The following ACAN variants were observed in gnomAD, a reference collection of about 807,000 sequenced individuals.
ACAN encodes the protein aggrecan, also known as aggrecan core protein.
ACAN carries 47 observed loss-of-function variants against 169.1 expected under a neutral mutation model. The ratio of observed to expected loss-of-function variants is 0.28; its 90% CI spans 0.22 to 0.35. The LOEUF (loss-of-function observed/expected upper bound fraction) is 0.35, where lower values mean the gene tolerates loss of function less well. ACAN is among the 10% of genes least tolerant of loss of function. The pLI is 1.00. For synonymous variants in ACAN, 1,115 were observed against 1,112.2 expected (o/e 1.00, Z -0.05); for missense variants, 2,716 against 2,759.9 (o/e 0.98, Z 0.36).
At chr15:88,841,064 G>A (rs1158089815) in intron 4 of ACAN, among the ~76,000 whole-genome samples, 1 of 152,228 alleles carries the variant, frequency 6.6e-6, no homozygotes, top group Non-Finnish European at 1.5e-5. Flanking sequence ...AGAATGGCGT[G>A]AACCCGGGAG....
intron 5 of ACAN, among the ~76,000 whole-genome samples, chr15:88,842,180 C>T (rs965940000): frequency 1.3e-5 from 2 of 152,182 alleles, no homozygotes; most frequent in Admixed American, 1.3e-4. Context: ...GCTGCTGTGA[C>T]AAGCACATCC....
intron 4 of ACAN, 115 bp downstream of exon 4, chr15:88,840,301 GC>G: frequency 1.5e-6 from 2 of 1,319,206 alleles, no homozygotes; most frequent in Non-Finnish European, 2.0e-6. Context: ...TGACACTGTG[GC>G]CAGCCTAGGT....
In ACAN at chr15:88,838,312, C is replaced by T. The variant is rs1427803443; in HGVS notation, c.71-351C>T. Among the ~76,000 whole-genome samples, 1 of 152,144 alleles carries T rather than the reference C, an allele frequency of 6.6e-6. No homozygotes were observed. Among genetic ancestry groups the T allele is most frequent in the Non-Finnish European group, 1.5e-5 (1 of 68,026 alleles). On this transcript the variant is annotated intron_variant, in intron 2 of 18. Transcript: ENST00000560601. This position sits in a 1 kb window ranked among gnomAD's most constrained non-coding sequence, Gnocchi z 5.1. Reference sequence around the variant, plus strand: ...AGCTGTCACTCCAAGGAGATGGGTCCTGTTTTATTCCACGCTTTGGTGCCC... The same window carrying T: ...AGCTGTCACTCCAAGGAGATGGGTCTTGTTTTATTCCACGCTTTGGTGCCC...
intron 8 of ACAN, 56 bp from the exon 9 acceptor site, chr15:88,847,855 G>GC: frequency 1.3e-6 from 2 of 1,592,372 alleles, no homozygotes; most frequent in East Asian, 2.2e-5. Flanking sequence ...CCAGGGCCGT[G>GC]CATCTACCAG....
rs1224038802 is a variant in ACAN, at chr15:88,873,930, C to T, written c.7536C>T (p.Tyr2512=). 1.9e-6 allele frequency: 3 copies of T among 1,613,738 alleles called. No homozygotes were observed. Among genetic ancestry groups the T allele is most frequent in the East Asian group, 2.2e-5 (1 of 44,864 alleles). ...ATGAGATCAATTCCCTGGTGCGGTA[C>T]CAGTGCACAGAGGGGTTTGTCCAGC... ...DRYEINSLVR[Y]QCTEGFVQRH... Residue 2512 remains tyrosine (Y), a synonymous_variant, in exon 18 of 19, where the codon TAC becomes TAT. Transcript: ENST00000560601. The surrounding 1 kb of genome is among the most constrained non-coding windows in gnomAD (Gnocchi z 7.5).
intron 1 of ACAN, among the ~76,000 whole-genome samples, chr15:88,823,346 T>G (rs1028408906): frequency 1.3e-5 from 2 of 152,104 alleles, no homozygotes; most frequent in African/African-American, 4.8e-5. Flanking sequence ...TCCAAGTGCT[T>G]GGACTGGAGC....
Position 88,840,130 on chromosome 15 carries a change from C to T in ACAN, c.573C>T (p.Ala191=). The change falls in exon 4 of 19, where the codon GCC becomes GCT. Residue 191 remains alanine, a synonymous_variant. Coordinates refer to ENST00000560601, the MANE Select transcript of ACAN (RefSeq NM_001369268.1). The stretch of plus-strand genomic sequence containing the variant: ...CCACGCCTGAGCAGCTGCAGGCCGC[C>T]TACGAAGACGGCTTCCACCAGTGTG... ...IIATPEQLQA[A]YEDGFHQCDA... is the part of the protein sequence containing the mutation. The T allele has an allele frequency of 6.2e-7, 1 of 1,606,052 alleles. No homozygotes were observed. The highest frequency in any genetic ancestry group is 8.5e-7 in the Non-Finnish European group (1 of 1,176,706).
rs372709777 is a variant in ACAN at position 88,858,554 on chromosome 15, G to C, written c.5969G>C (p.Gly1990Ala). 1.2e-4 allele frequency: 200 copies of C among 1,613,776 alleles called. 3 individuals are homozygous for C. The highest frequency in any genetic ancestry group is 6.8e-6 in the Non-Finnish European group (8 of 1,179,906). ...GFLDLSGLQSGLIEPSGEPPG... is the reference protein window; with the variant it reads ...GFLDLSGLQSALIEPSGEPPG... Reference sequence around the variant, plus strand: ...CTGGACCTAAGTGGGCTGCAGTCCGGGCTGATAGAGCCCAGCGGAGAGCCA... The same window carrying C: ...CTGGACCTAAGTGGGCTGCAGTCCGCGCTGATAGAGCCCAGCGGAGAGCCA... The change falls in exon 12 of 19, where the codon GGG (glycine) becomes GCG (alanine). Residue 1990 changes from glycine to alanine, a missense_variant. Gly to Ala is a moderately conservative substitution (Grantham distance 60, BLOSUM62 0). Coordinates refer to ENST00000560601, the MANE Select transcript of ACAN (RefSeq NM_001369268.1). This position sits in a 1 kb window ranked among gnomAD's most constrained non-coding sequence, Gnocchi z 4.0.
At chr15:88,833,277 C>T (rs1238519433) in intron 1 of ACAN, among the ~76,000 whole-genome samples, 1 of 152,216 alleles carries the variant, frequency 6.6e-6, no homozygotes, top group Non-Finnish European at 1.5e-5. Context: ...TACCAAATCT[C>T]CACATAATGC....
chr15:88,815,030 GAAA>G (rs11300352), intron 1 of ACAN, among the ~76,000 whole-genome samples: 4 of 120,254 alleles, frequency 3.3e-5, no homozygotes, highest in Admixed American at 8.7e-5. Flanking sequence ...GTGGACCCCA[GAAA>G]AAAAAAAAAA....
chr15:88,854,853 G>T lies in ACAN; in HGVS notation c.2268G>T (p.Gly756=), dbSNP rs1244624727. Residue 756 remains glycine, a splice_region_variant and synonymous_variant, in exon 12 of 19, where the codon GGG becomes GGT. Transcript: ENST00000560601. ...YTPVGTSPLP[G]ILPTWPPTGA... ...ATCTTTCTTCCTTCTTTCCTACAGG[G>T]ATCCTTCCTACTTGGCCTCCCACTG... 6 of 1,478,904 alleles carry T rather than the reference G, an allele frequency of 4.1e-6. No individual in the cohort carries two copies. Among genetic ancestry groups the T allele is most frequent in the East Asian group, 2.4e-5 (1 of 42,068 alleles). The allele number at this position is 1,478,904 out of a possible 1,614,324, so 91.6% of individuals were successfully genotyped here.
chr15:88,844,174 A>T (rs1896736615), intron 6 of ACAN, among the ~76,000 whole-genome samples: 2 of 152,080 alleles, frequency 1.3e-5, no homozygotes, highest in Non-Finnish European at 2.9e-5. Flanking sequence ...TCACTCTGTC[A>T]TCAAGGCAAG....
intron 9 of ACAN, among the ~76,000 whole-genome samples, chr15:88,848,821 C>T (rs1300682520): frequency 1.3e-5 from 2 of 152,192 alleles, no homozygotes; most frequent in African/African-American, 2.4e-5. Context: ...TAAAATGGGG[C>T]TGATTTATAT....
chr15:88,866,481 G>A lies in ACAN; in HGVS notation c.6947-1735G>A, dbSNP rs1398098237. ...ATCCTGGGGCATGCTGGGAATCCAA[G>A]TGCATGCTGGGATTTCAGTCTGTTC... On this transcript the variant is annotated intron_variant, in intron 13 of 18. Coordinates refer to ENST00000560601, the MANE Select transcript of ACAN (RefSeq NM_001369268.1). The surrounding 1 kb of genome is among the most constrained non-coding windows in gnomAD (Gnocchi z 5.6). Among the ~76,000 whole-genome samples the A allele has an allele frequency of 1.3e-5, 2 of 152,140 alleles. No individual in the cohort carries two copies. The highest frequency in any genetic ancestry group is 2.4e-5 in the African/African-American group (1 of 41,430).
chr15:88,827,242 G>A (rs1896246830), intron 1 of ACAN, among the ~76,000 whole-genome samples: 1 of 152,194 alleles, frequency 6.6e-6, no homozygotes, highest in African/African-American at 2.4e-5. Context: ...GACGGCAGTG[G>A]CAGATTAGGC....
chr15:88,855,353 A>C lies in ACAN; in HGVS notation c.2768A>C (p.Glu923Ala), dbSNP rs1404892129. 6.2e-7 allele frequency: 1 copy of C among 1,612,682 alleles called. No individual in the cohort carries two copies. The highest frequency in any genetic ancestry group is 2.2e-5 in the East Asian group (1 of 44,842). Residue 923 changes from glutamate to alanine, a missense_variant, in exon 12 of 19, where the codon GAA becomes GCA. By Grantham distance (107) the Glu-to-Ala change is moderately radical. Around this residue, in one of 3 missense-constraint regions of ACAN, gnomAD observed 1,283 missense variants for 1,281.5 expected, o/e 1.00. Coordinates refer to ENST00000560601, the MANE Select transcript of ACAN (RefSeq NM_001369268.1). ...GAAAGTGGACTACCCTCAGGGGATG[A>C]AGAGAGAATTGAGTGGCCCAGCACT... is the stretch of plus-strand genomic sequence containing the variant. ...PVESGLPSGD[E>A]ERIEWPSTPT...
In ACAN at chr15:88,859,209, G is replaced by A; in HGVS notation, c.6624G>A (p.Gln2208=). 1 of 1,613,906 alleles carries A rather than the reference G, an allele frequency of 6.2e-7. No homozygotes were observed. The highest frequency in any genetic ancestry group is 8.5e-7 in the Non-Finnish European group (1 of 1,179,890). ...GAGACCTGTCTGGTCACACCTCGCA[G>A]CTGGGCGTTGTCATCAGCACCAGCA... ...ISGDLSGHTS[Q]LGVVISTSIP... Residue 2208 remains glutamine, a synonymous_variant, in exon 12 of 19, where the codon CAG becomes CAA. Coordinates refer to ENST00000560601, the MANE Select transcript of ACAN (RefSeq NM_001369268.1).
rs1303765232 is a variant in ACAN at position 88,869,515 on chromosome 15, G to C, written c.7060+1186G>C. ...CAAGACCCCAAGAAATTGGTATATGGGGTCTTGGCTGGGGTGGAAGCAGAG... is the reference window on the plus strand; with the variant it reads ...CAAGACCCCAAGAAATTGGTATATGCGGTCTTGGCTGGGGTGGAAGCAGAG... On this transcript the variant is annotated intron_variant, in intron 14 of 18. Coordinates refer to ENST00000560601, the MANE Select transcript of ACAN (RefSeq NM_001369268.1). The surrounding 1 kb of genome is among the most constrained non-coding windows in gnomAD (Gnocchi z 4.2). 2.0e-5 allele frequency among the ~76,000 whole-genome samples: 3 copies of C among 152,152 alleles called. No homozygotes were observed. Among genetic ancestry groups the C allele is most frequent in the African/African-American group, 7.2e-5 (3 of 41,424 alleles).
intron 11 of ACAN, among the ~76,000 whole-genome samples, chr15:88,853,772 A>G (rs1896985486): frequency 6.6e-6 from 1 of 152,174 alleles, no homozygotes. Context: ...ATACATACAT[A>G]CATACATACA....
Sources: allele counts gnomAD v4.1 joint callset (sites outside exome capture counted in the v4.1 genomes callset), GRCh38; gene constraint gnomAD v4.1.1; regional missense constraint gnomAD v4.1.1; non-coding constraint Gnocchi (gnomAD v3.1); transcripts MANE v1.5; gene names NCBI Gene and HGNC (gene_info 2026-07-23, HGNC 2026-07-21).